Variants in FGF14 observed in about 807,000 individuals in gnomAD.
The protein encoded by FGF14 is fibroblast growth factor 14.
Under a neutral mutation model 25.5 loss-of-function variants are expected in FGF14, and 5 were observed. The ratio of observed to expected loss-of-function variants is 0.20; its 90% CI spans 0.10 to 0.41. The LOEUF is 0.41. Among genes scored for constraint, FGF14 ranks in the 10% least tolerant of loss-of-function variants. The pLI is 1.00. For missense variants in FGF14, 222 were observed against 320.1 expected (o/e 0.69, Z 2.34); for synonymous variants, 138 against 118.3 (o/e 1.17, Z -1.08).
chr13:101,885,919 A>T (rs116028203), intron 1 of FGF14, among the ~76,000 whole-genome samples: 315 of 152,218 alleles, frequency 2.1e-3, no homozygotes, highest in African/African-American at 7.2e-3. Flanking sequence ...GTTTCCTTTA[A>T]TTTTATAGTA....
At chr13:101,958,453 C>T (rs1002587955) in intron 1 of FGF14, among the ~76,000 whole-genome samples, 1 of 152,232 alleles carries the variant, frequency 6.6e-6, no homozygotes, top group African/African-American at 2.4e-5. Context: ...CTCCTGGACC[C>T]CAGTGGTCCT....
intron 3 of FGF14, among the ~76,000 whole-genome samples, chr13:101,804,067 A>T (rs2041059114): frequency 6.6e-6 from 1 of 152,130 alleles, no homozygotes; most frequent in Non-Finnish European, 1.5e-5. Context: ...AAGCCAGAGA[A>T]TAAGAAGGAG....
chr13:101,937,688 G>A (rs541813828), intron 1 of FGF14, among the ~76,000 whole-genome samples: 1 of 152,134 alleles, frequency 6.6e-6, no homozygotes, highest in East Asian at 1.9e-4. Context: ...TCTGCCTCCC[G>A]GATTCAAGCG....
At chr13:101,965,747 T>C (rs1198510177) in intron 1 of FGF14, among the ~76,000 whole-genome samples, 1 of 150,830 alleles carries the variant, frequency 6.6e-6, no homozygotes, top group Non-Finnish European at 1.5e-5. Flanking sequence ...ATAGGAGAAG[T>C]CAATTTACTT....
chr13:102,049,663 G>A (rs1484057197), intron 1 of FGF14, among the ~76,000 whole-genome samples: 1 of 152,048 alleles, frequency 6.6e-6, no homozygotes, highest in East Asian at 1.9e-4. Context: ...GTTAAATTAA[G>A]ATGAGCTCAT....
intron 1 of FGF14, among the ~76,000 whole-genome samples, chr13:102,094,966 A>G (rs2044324369): frequency 6.6e-6 from 1 of 152,094 alleles, no homozygotes; most frequent in African/African-American, 2.4e-5. Context: ...CTCATTATGC[A>G]TGGTACTTTA....
intron 3 of FGF14, among the ~76,000 whole-genome samples, chr13:101,865,247 A>T (rs2044640215): frequency 6.6e-6 from 1 of 152,152 alleles, no homozygotes; most frequent in South Asian, 2.1e-4. Flanking sequence ...AGATTTTCTT[A>T]GTCTTTCAAA....
At chr13:101,843,320 A>C (rs2043283806) in intron 3 of FGF14, among the ~76,000 whole-genome samples, 1 of 151,952 alleles carries the variant, frequency 6.6e-6, no homozygotes, top group Admixed American at 6.6e-5. Context: ...TGTGTATTAC[A>C]ATTTCATATT....
At chr13:101,833,230 C>T (rs2140289376) in intron 3 of FGF14, among the ~76,000 whole-genome samples, 1 of 152,118 alleles carries the variant, frequency 6.6e-6, no homozygotes. Flanking sequence ...TCAGTGTAGC[C>T]ATGAGTCTGA....
chr13:102,312,987 T>C (rs1594821988), intron 1 of FGF14, among the ~76,000 whole-genome samples: 4 of 152,138 alleles, frequency 2.6e-5, no homozygotes, highest in Admixed American at 2.6e-4. Flanking sequence ...CAAAAGCAAG[T>C]GAGTTCTCCT....
rs141016899 is a variant in FGF14 at position 102,177,411 on chromosome 13, A to G, written c.208+224060T>C. On this transcript the variant is annotated intron_variant, in intron 1 of 4. Transcript: ENST00000376131. ...TAAACTGTGTGCTGGTGTGCCTCTC[A>G]CTTCTTTAGATTGTAAACTCCTCAT... Among the ~76,000 whole-genome samples, 303 of 152,174 alleles carry G rather than the reference A, an allele frequency of 2.0e-3. 1 individual carries two copies. Among genetic ancestry groups the G allele is most frequent in the African/African-American group, 6.7e-3 (280 of 41,524 alleles).
chr13:102,384,682 A>T (rs1342443522), intron 1 of FGF14, among the ~76,000 whole-genome samples: 3 of 152,162 alleles, frequency 2.0e-5, no homozygotes, highest in Non-Finnish European at 2.9e-5. Context: ...CAGAAAAAAA[A>T]CTGTTAAATG....
At chr13:102,014,168 CCTGAA>C (rs1484427831) in intron 1 of FGF14, among the ~76,000 whole-genome samples, 1 of 151,824 alleles carries the variant, frequency 6.6e-6, no homozygotes, top group Admixed American at 6.6e-5. Context: ...ATTCATAGTA[CCTGAA>C]CTGAATAGTG....
chr13:101,885,819 G>A (rs4772420), intron 1 of FGF14, among the ~76,000 whole-genome samples: 58,876 of 151,666 alleles, frequency 0.39, 13,013 homozygotes, highest in African/African-American at 0.59. Flanking sequence ...CAGGTTTCAA[G>A]TGAATGCCAT....
intron 1 of FGF14, among the ~76,000 whole-genome samples, chr13:102,044,251 T>C (rs996125860): frequency 2.0e-5 from 3 of 152,268 alleles, no homozygotes; most frequent in Admixed American, 1.3e-4. Flanking sequence ...CTTACACAGG[T>C]ACTCTCCTCC....
chr13:101,733,734 T>C (rs1250281969), intron 3 of FGF14, among the ~76,000 whole-genome samples: 3 of 151,852 alleles, frequency 2.0e-5, no homozygotes, highest in Admixed American at 6.6e-5. Context: ...TTCTGTTACT[T>C]AAGTAGTTTC....
At chr13:102,135,051 AC>A (rs1566730210) in intron 1 of FGF14, among the ~76,000 whole-genome samples, 111 of 151,032 alleles carry the variant, frequency 7.3e-4, no homozygotes, top group African/African-American at 2.4e-3. Context: ...ACACACACAC[AC>A]ACACACACAA....
intron 1 of FGF14, among the ~76,000 whole-genome samples, chr13:102,175,771 C>G (rs996825134): frequency 6.6e-6 from 1 of 151,794 alleles, no homozygotes; most frequent in Non-Finnish European, 1.5e-5. Context: ...TATGAAAGAC[C>G]CTTCTCAAAA....
rs1209354431 is a variant in FGF14 at position 101,718,189 on chromosome 13, A to C, written c.*4642T>G. On this transcript the variant is annotated 3_prime_UTR_variant, in exon 5 of 5. Coordinates refer to ENST00000376143, the MANE Select transcript of FGF14 (RefSeq NM_004115.4). ...GAATGCTTTTTCTTTGAAAACAGAAATATTTTTACTTATTTCTGTCCACTA... is the reference window on the plus strand; with the variant it reads ...GAATGCTTTTTCTTTGAAAACAGAACTATTTTTACTTATTTCTGTCCACTA... 1 of 152,074 alleles carries C rather than the reference A, an allele frequency of 6.6e-6. No individual in the cohort carries two copies. The highest frequency in any genetic ancestry group is 2.1e-4 in the South Asian group (1 of 4,830). 9.4% of individuals were successfully genotyped at this position (152,074 alleles called of 1,614,324 possible).
Sources: gnomAD v4.1 joint callset for allele counts (sites outside exome capture counted in the v4.1 genomes callset) on GRCh38, gnomAD v4.1.1 for gene constraint, MANE v1.5 for transcripts, NCBI Gene and HGNC (gene_info 2026-07-23, HGNC 2026-07-21) for gene names.